Variants in SUSD1 observed in about 807,000 individuals in gnomAD.
The protein encoded by SUSD1 is sushi domain-containing protein 1.
SUSD1 carries 65 observed loss-of-function variants against 86.9 expected under a neutral mutation model. The observed-to-expected ratio is 0.75, with a 90% CI of 0.61 to 0.92. The LOEUF (loss-of-function observed/expected upper bound fraction) is 0.92, where lower values mean the gene tolerates loss of function less well. Ranked by LOEUF, SUSD1 falls within the 40% of genes least tolerant of loss-of-function variation. SUSD1 has a pLI of 0.00. For synonymous variants in SUSD1, 346 were observed against 350.0 expected, an observed-to-expected ratio of 0.99 and a Z score of 0.13; for missense variants, 850 against 929.7, an observed-to-expected ratio of 0.91 and a Z score of 1.11.
chr9:112,143,062 G>T (rs1832651874), intron 4 of SUSD1, among the ~76,000 whole-genome samples: 1 of 125,188 alleles, frequency 8.0e-6, no homozygotes, highest in Admixed American at 1.1e-4. Flanking sequence ...TCGGCTCATT[G>T]CAACCTCTGT....
intron 7 of SUSD1, among the ~76,000 whole-genome samples, chr9:112,112,511 C>G (rs575566739): frequency 6.6e-6 from 1 of 152,088 alleles, no homozygotes; most frequent in African/African-American, 2.4e-5. Flanking sequence ...TAGTGCACAC[C>G]TCTAATCCCA....
chr9:112,159,787 C>T (rs9886804), intron 1 of SUSD1, among the ~76,000 whole-genome samples: 72,456 of 151,984 alleles, frequency 0.48, 17,713 homozygotes, highest in African/African-American at 0.6. Flanking sequence ...TTCAATGCGG[C>T]CTTTAAAATT....
chr9:112,098,537 C>G lies in SUSD1; in HGVS notation c.1407G>C (p.Val469=). 1 of 1,614,196 alleles carries G rather than the reference C, an allele frequency of 6.2e-7. No individual in the cohort carries two copies. Residue 469 remains valine, a synonymous_variant, in exon 10 of 17, where the codon GTG becomes GTC. Coordinates refer to ENST00000374270, the MANE Select transcript of SUSD1 (RefSeq NM_022486.5). ...TAGGAGATCTCAGCAGGGTCACATT[C>G]ACCGTATAATCAGTCGTAGGGTACA... ...LDLYPTTDYT[V]NVTLLRSPKR...
intron 2 of SUSD1, among the ~76,000 whole-genome samples, chr9:112,152,517 C>G (rs1451545894): frequency 6.7e-6 from 1 of 148,810 alleles, no homozygotes; most frequent in Non-Finnish European, 1.5e-5. Context: ...TTCTCCCACC[C>G]CAACCTCCCT....
intron 15 of SUSD1, among the ~76,000 whole-genome samples, chr9:112,042,969 G>A (rs980901279): frequency 9.2e-5 from 14 of 152,122 alleles, no homozygotes; most frequent in African/African-American, 2.9e-4. Context: ...AATTATAACC[G>A]TGAAAAAGAT....
chr9:112,157,349 A>G, intron 2 of SUSD1, 151 bp downstream of exon 2: 1 of 592,444 alleles, frequency 1.7e-6, no homozygotes, highest in Non-Finnish European at 3.0e-6. Context: ...AAACACTAAA[A>G]CAAAGACTTA....
At chr9:112,140,690 C>A (rs1832527007) in intron 5 of SUSD1, among the ~76,000 whole-genome samples, 1 of 152,214 alleles carries the variant, frequency 6.6e-6, no homozygotes. Context: ...AAGTTCAGCT[C>A]TGTCTCTAGT....
chr9:112,153,016 A>G (rs1392185381), intron 2 of SUSD1, among the ~76,000 whole-genome samples: 1 of 152,130 alleles, frequency 6.6e-6, no homozygotes, highest in African/African-American at 2.4e-5. Flanking sequence ...CTGTAATCTC[A>G]GCACTTTGGG....
intron 8 of SUSD1, among the ~76,000 whole-genome samples, chr9:112,110,533 T>C (rs1831047571): frequency 6.6e-6 from 1 of 151,646 alleles, no homozygotes. Context: ...ACTATAGGCA[T>C]GCACCATCAC....
At chr9:112,072,433 G>A (rs1226705556) in intron 12 of SUSD1, among the ~76,000 whole-genome samples, 3 of 151,780 alleles carry the variant, frequency 2.0e-5, no homozygotes, top group Admixed American at 6.6e-5. Flanking sequence ...CACCGTGCCT[G>A]GCCAACCCAT....
chr9:112,058,610 A>G lies in SUSD1; in HGVS notation c.1927T>C (p.Phe643Leu). 1 of 1,614,164 alleles carries G rather than the reference A, an allele frequency of 6.2e-7. No individual in the cohort carries two copies. Among genetic ancestry groups the G allele is most frequent in the South Asian group, 1.1e-5 (1 of 91,088 alleles). ...CCATCAGCATCAGAGGCGTTGCTAAAGAAGGAGGAAGCGCCTTCAGAATCA... is the reference window on the plus strand; with the variant it reads ...CCATCAGCATCAGAGGCGTTGCTAAGGAAGGAGGAAGCGCCTTCAGAATCA... ...SCDSEGASSF[F>L]SNASDADGYV... The change falls in exon 14 of 17, where the codon TTT (phenylalanine) becomes CTT (leucine). Residue 643 changes from phenylalanine to leucine, a missense_variant. By Grantham distance (22) the Phe-to-Leu change is conservative. Coordinates refer to ENST00000374270, the MANE Select transcript of SUSD1 (RefSeq NM_022486.5).
intron 8 of SUSD1, among the ~76,000 whole-genome samples, chr9:112,106,933 A>C (rs1413420287): frequency 1.3e-5 from 2 of 151,626 alleles, no homozygotes; most frequent in Admixed American, 1.3e-4. Flanking sequence ...TCTGTGTAAC[A>C]AAAAGAAAAC....
intron 3 of SUSD1, among the ~76,000 whole-genome samples, chr9:112,148,435 C>G (rs1422749498): frequency 6.6e-6 from 1 of 152,118 alleles, no homozygotes. Context: ...GGGAGGCAAG[C>G]CCACATCTCT....
At position 112,058,599 on chromosome 9, in the gene SUSD1, G is replaced by C. The variant is rs778029363; in HGVS notation, c.1938C>G (p.Ala646=). ...CAGCCACGTATCCATCAGCATCAGA[G>C]GCGTTGCTAAAGAAGGAGGAAGCGC... The part of the protein sequence containing the change: ...SEGASSFFSN[A]SDADGYVAAE... Residue 646 remains alanine, a synonymous_variant, in exon 14 of 17, where the codon GCC becomes GCG. Coordinates refer to ENST00000374270, the MANE Select transcript of SUSD1 (RefSeq NM_022486.5). The C allele has an allele frequency of 6.8e-6, 11 of 1,613,980 alleles. No individual in the cohort carries two copies. In the East Asian group the frequency reaches 1.3e-4, roughly 20 times the overall value.
At chr9:112,103,400 T>C (rs1830707273) in intron 8 of SUSD1, among the ~76,000 whole-genome samples, 1 of 152,232 alleles carries the variant, frequency 6.6e-6, no homozygotes, top group Non-Finnish European at 1.5e-5. Context: ...GAAATAAAAA[T>C]GGTCACATGT....
intron 10 of SUSD1, among the ~76,000 whole-genome samples, chr9:112,094,547 A>G (rs900449645): frequency 7.2e-5 from 11 of 152,256 alleles, no homozygotes; most frequent in African/African-American, 2.4e-4. Flanking sequence ...GTGTACACCT[A>G]GAACTCTGTT....
chr9:112,082,784 C>T (rs1226481905), intron 10 of SUSD1, among the ~76,000 whole-genome samples: 1 of 152,190 alleles, frequency 6.6e-6, no homozygotes, highest in Admixed American at 6.5e-5. Context: ...GTGACCTGAT[C>T]ATGGCTCACT....
rs540400083 is a variant in SUSD1, at chr9:112,086,211, G to A, written c.1475-6046C>T. Among the ~76,000 whole-genome samples, 9 of 150,032 alleles carry A rather than the reference G, an allele frequency of 6.0e-5. No homozygotes were observed. In the South Asian group the frequency reaches 1.5e-3, roughly 25 times the overall value. Reference sequence around the variant, plus strand: ...CGGGAGCCTGTAGTACCAGCTACTCGAAAAGCTGAGGTGGAAAGATTGCTT... The same window carrying A: ...CGGGAGCCTGTAGTACCAGCTACTCAAAAAGCTGAGGTGGAAAGATTGCTT... On this transcript the variant is annotated intron_variant, in intron 10 of 16. Coordinates refer to ENST00000374270, the MANE Select transcript of SUSD1 (RefSeq NM_022486.5).
intron 6 of SUSD1, 95 bp downstream of exon 6, chr9:112,124,162 A>G (rs889014522): frequency 2.3e-6 from 3 of 1,289,020 alleles, no homozygotes; most frequent in Non-Finnish European, 3.2e-6. Flanking sequence ...TGGGTACAGT[A>G]TGTAGAGTGA....
Sources: gnomAD v4.1 joint callset for allele counts (sites outside exome capture counted in the v4.1 genomes callset) on GRCh38, gnomAD v4.1.1 for gene constraint, MANE v1.5 for transcripts, NCBI Gene and HGNC (gene_info 2026-07-23, HGNC 2026-07-21) for gene names.